The following TMEM63C variants were observed in gnomAD, a reference collection of about 807,000 sequenced individuals.
The protein encoded by TMEM63C is osmosensitive cation channel TMEM63C.
A neutral mutation model predicts 99.2 loss-of-function variants in TMEM63C; 32 were observed. That is an observed-to-expected ratio of 0.32 (90% CI 0.24 to 0.43). The LOEUF is 0.43. Ranked by LOEUF, TMEM63C falls within the 20% of genes least tolerant of loss-of-function variation. The pLI is 1.00. For synonymous variants in TMEM63C, 376 were observed against 397.9 expected (o/e 0.94, Z 0.66); for missense variants, 826 against 1,053.0 (o/e 0.78, Z 2.98).
At chr14:77,208,355 T>G (rs1057194946) in intron 1 of TMEM63C, among the ~76,000 whole-genome samples, 40 of 152,284 alleles carry the variant, frequency 2.6e-4, no homozygotes, top group African/African-American at 9.1e-4. Context: ...AGAAAACTGC[T>G]GCAGCTTTTG....
At chr14:77,230,201 C>CAAA (rs55863810) in intron 6 of TMEM63C, among the ~76,000 whole-genome samples, 11,446 of 138,358 alleles carry the variant, frequency 0.083, 481 homozygotes, top group Admixed American at 0.11. Context: ...GACTCTGTCT[C>CAAA]AAAAAAAAAA....
intron 1 of TMEM63C, among the ~76,000 whole-genome samples, chr14:77,191,960 A>G (rs1594848395): frequency 6.6e-6 from 1 of 152,106 alleles, no homozygotes; most frequent in East Asian, 1.9e-4. Flanking sequence ...AGTTTTGTCA[A>G]TATTTCTTCA....
chr14:77,198,657 T>G (rs1888248207), intron 1 of TMEM63C, among the ~76,000 whole-genome samples: 1 of 152,226 alleles, frequency 6.6e-6, no homozygotes. Context: ...GGGGAAATTG[T>G]CCTCGCCTGG....
At chr14:77,255,057 C>T (rs559550067) in intron 23 of TMEM63C, among the ~76,000 whole-genome samples, 1 of 152,340 alleles carries the variant, frequency 6.6e-6, no homozygotes, top group Admixed American at 6.5e-5. Context: ...GTGGCACCAT[C>T]TTGGCTCACT....
chr14:77,218,710 G>C (rs1020162476), intron 2 of TMEM63C, 91 bp from the exon 3 acceptor site: 7 of 1,389,656 alleles, frequency 5.0e-6, no homozygotes, highest in Non-Finnish European at 6.9e-6. Flanking sequence ...GAGGCACTCG[G>C]TGCCCATCCC....
chr14:77,199,335 C>T (rs1252628834), intron 1 of TMEM63C, among the ~76,000 whole-genome samples: 3 of 152,212 alleles, frequency 2.0e-5, no homozygotes, highest in Non-Finnish European at 2.9e-5. Context: ...TCCTCCAAGA[C>T]CTTCAATAGC....
chr14:77,186,778 T>G (rs911625684), intron 1 of TMEM63C, among the ~76,000 whole-genome samples: 7 of 96,782 alleles, frequency 7.2e-5, no homozygotes, highest in Admixed American at 1.2e-4. Flanking sequence ...ACCAAAGGGG[T>G]GTGTGTGTGT....
At chr14:77,244,554 C>A in intron 16 of TMEM63C, 99 bp downstream of exon 16, 2 of 884,700 alleles carry the variant, frequency 2.3e-6, no homozygotes, top group Non-Finnish European at 3.7e-6. Context: ...CCCCTCTAGC[C>A]TAAGAAGGAG....
At chr14:77,208,508 C>T (rs1452433276) in intron 1 of TMEM63C, among the ~76,000 whole-genome samples, 1 of 152,206 alleles carries the variant, frequency 6.6e-6, no homozygotes, top group Non-Finnish European at 1.5e-5. Flanking sequence ...CCTCCTCCCT[C>T]TCCTCCCTTC....
intron 18 of TMEM63C, among the ~76,000 whole-genome samples, chr14:77,246,949 G>T: frequency 6.6e-6 from 1 of 152,162 alleles, no homozygotes; most frequent in East Asian, 1.9e-4. Flanking sequence ...GGTGTTCCAT[G>T]AGCCCTTTAT....
At chr14:77,203,979 C>G (rs1274054431) in intron 1 of TMEM63C, among the ~76,000 whole-genome samples, 2 of 152,256 alleles carry the variant, frequency 1.3e-5, no homozygotes, top group African/African-American at 4.8e-5. Context: ...CTTCCTGCCC[C>G]CTCCAGACTC....
intron 5 of TMEM63C, among the ~76,000 whole-genome samples, chr14:77,224,675 A>T (rs2140113726): frequency 6.6e-6 from 1 of 151,924 alleles, no homozygotes; most frequent in African/African-American, 2.4e-5. Context: ...AGACAGCAAG[A>T]CCCCAAGAGA....
chr14:77,246,867 C>T (rs541715535), intron 18 of TMEM63C, among the ~76,000 whole-genome samples, 193 bp downstream of exon 18: 2 of 152,296 alleles, frequency 1.3e-5, no homozygotes, highest in African/African-American at 4.8e-5. Flanking sequence ...GCCCAGGGAC[C>T]CCTTCTCAGA....
intron 1 of TMEM63C, among the ~76,000 whole-genome samples, chr14:77,204,857 G>C (rs1191731384): frequency 6.6e-6 from 1 of 152,224 alleles, no homozygotes; most frequent in Non-Finnish European, 1.5e-5. Context: ...AGGTTAAGAA[G>C]CTTGCCCAAA....
chr14:77,256,821 T>G lies in TMEM63C; in HGVS notation c.*95T>G. ...GGGTGGCCTGGACCTCCCCACTACC[T>G]CCTGCAGACTTTGAGAAGCCCACAG... is the stretch of plus-strand genomic sequence containing the variant. On this transcript the variant is annotated 3_prime_UTR_variant, in exon 24 of 24. Transcript: ENST00000298351. 8.5e-7 allele frequency: 1 copy of G among 1,182,608 alleles called. No individual in the cohort carries two copies. Among genetic ancestry groups the G allele is most frequent in the Non-Finnish European group, 1.2e-6 (1 of 834,834 alleles). The allele number at this position is 1,182,608 out of a possible 1,614,324, so 73.3% of individuals were successfully genotyped here.
chr14:77,242,540 T>C, intron 14 of TMEM63C, 71 bp downstream of exon 14: 1 of 1,572,070 alleles, frequency 6.4e-7, no homozygotes, highest in Non-Finnish European at 8.7e-7. Flanking sequence ...GGACAGGGCC[T>C]TCTCTCCCCA....
At chr14:77,225,921 C>T (rs896704636) in intron 6 of TMEM63C, among the ~76,000 whole-genome samples, 1 of 152,024 alleles carries the variant, frequency 6.6e-6, no homozygotes. Context: ...GCCCACCTCA[C>T]CTTGTGGGTT....
At chr14:77,236,601 T>C (rs1889065845) in intron 8 of TMEM63C, 23 bp from the exon 9 acceptor site, 1 of 1,566,928 alleles carries the variant, frequency 6.4e-7, no homozygotes, top group South Asian at 1.1e-5. Context: ...CTGACCTCAC[T>C]GCTGCTGCCT....
chr14:77,199,833 G>A (rs1467009), intron 1 of TMEM63C, among the ~76,000 whole-genome samples: 147,797 of 152,286 alleles, frequency 0.97, 71,858 homozygotes, highest in East Asian at 1. Flanking sequence ...GGCTCCCAGC[G>A]ACACTGTGAT....
Sources: gnomAD v4.1 joint callset for allele counts (sites outside exome capture counted in the v4.1 genomes callset) on GRCh38, gnomAD v4.1.1 for gene constraint, MANE v1.5 for transcripts, NCBI Gene and HGNC (gene_info 2026-07-23, HGNC 2026-07-21) for gene names.